Variants in ANKRD46 observed in about 807,000 individuals in gnomAD.
The protein encoded by ANKRD46 is ankyrin repeat domain 46, also known as ankyrin repeat domain-containing protein 46.
Under a neutral mutation model 19.8 loss-of-function variants are expected in ANKRD46, and 13 were observed. That is an observed-to-expected ratio of 0.66 (90% CI 0.43 to 1.04). The LOEUF is 1.04. Among genes scored for constraint, ANKRD46 ranks in the 50% least tolerant of loss-of-function variants. The pLI is 0.00. For synonymous variants in ANKRD46, 91 were observed against 106.9 expected, an observed-to-expected ratio of 0.85 and a Z score of 0.92; for missense variants, 185 against 274.8, an observed-to-expected ratio of 0.67 and a Z score of 2.31.
chr8:100,549,223 G>T (rs764246483), intron 1 of ANKRD46, among the ~76,000 whole-genome samples: 4 of 151,460 alleles, frequency 2.6e-5, no homozygotes, highest in Non-Finnish European at 4.4e-5. Flanking sequence ...TCCTGCCTTA[G>T]CCTCCCAAAG....
At position 100,544,229 on chromosome 8, in the gene ANKRD46, C is replaced by T. The variant is rs190306666; in HGVS notation, c.-130-10918G>A. Among the ~76,000 whole-genome samples, 1 of 152,326 alleles carries T rather than the reference C, an allele frequency of 6.6e-6. No individual in the cohort carries two copies. The highest frequency in any genetic ancestry group is 2.4e-5 in the African/African-American group (1 of 41,578). On this transcript the variant is annotated intron_variant, in intron 1 of 4. Coordinates refer to ENST00000335659, the MANE Select transcript of ANKRD46 (RefSeq NM_001270377.2). The surrounding 1 kb of genome is among the most constrained non-coding windows in gnomAD (Gnocchi z 4.4). ...CTCTTCAGTCAGCTTCTGGTTCCTT[C>T]TAAGGCTCAAAGCAGATCACTTCCA...
At chr8:100,542,554 T>C (rs1380856238) in intron 1 of ANKRD46, among the ~76,000 whole-genome samples, 2 of 152,108 alleles carry the variant, frequency 1.3e-5, no homozygotes, top group Non-Finnish European at 2.9e-5. Flanking sequence ...GGAGTGTCTG[T>C]GGCTTTAAAG....
Position 100,546,649 on chromosome 8 carries a change from G to A in ANKRD46, c.-131+13062C>T, listed in dbSNP as rs936376334. 5.3e-5 allele frequency among the ~76,000 whole-genome samples: 8 copies of A among 152,220 alleles called. No homozygotes were observed. Among genetic ancestry groups the A allele is most frequent in the Non-Finnish European group, 8.8e-5 (6 of 68,044 alleles). ...CCCCACACAGAGTCCCCACTGGAGT[G>A]CTGCCTAGTGGAGCTATGAGAAAAG... On this transcript the variant is annotated intron_variant, in intron 1 of 4. Transcript: ENST00000335659. This position sits in a 1 kb window ranked among gnomAD's most constrained non-coding sequence, Gnocchi z 4.0.
rs1253417278 is a variant in ANKRD46, at chr8:100,545,003, G to A, written c.-130-11692C>T. Among the ~76,000 whole-genome samples the A allele has an allele frequency of 6.6e-6, 1 of 152,100 alleles. No homozygotes were observed. The highest frequency in any genetic ancestry group is 2.4e-5 in the African/African-American group (1 of 41,422). ...ATCAACAGTCCCAAATGGATATTTTGCCATGGCCTTAATATCATATCTAAA... is the reference window on the plus strand; with the variant it reads ...ATCAACAGTCCCAAATGGATATTTTACCATGGCCTTAATATCATATCTAAA... On this transcript the variant is annotated intron_variant, in intron 1 of 4. Coordinates refer to ENST00000335659, the MANE Select transcript of ANKRD46 (RefSeq NM_001270377.2). This position sits in a 1 kb window ranked among gnomAD's most constrained non-coding sequence, Gnocchi z 4.7.
chr8:100,548,202 A>C (rs1470426762), intron 1 of ANKRD46, among the ~76,000 whole-genome samples: 1 of 152,168 alleles, frequency 6.6e-6, no homozygotes, highest in African/African-American at 2.4e-5. Context: ...TTAAAACAAC[A>C]GCCAAAATCC....
chr8:100,520,236 GT>G (rs1811698487), downstream of ANKRD46, among the ~76,000 whole-genome samples: 1 of 152,198 alleles, frequency 6.6e-6, no homozygotes, highest in South Asian at 2.1e-4. Flanking sequence ...AGGAAAAAAA[GT>G]AAGTATATAG....
rs1811748987 is a variant in ANKRD46, at chr8:100,522,618, G to C, written c.624C>G (p.Gly208=). ...GCACCCCACTCACATAATAAGCAAT[G>C]CCAAGAGACAGCAAAGCAATGACGA... ...LIFVIALLSL[G]IAYYVSGVLP... The change falls in exon 5 of 5, where the codon GGC becomes GGG. Residue 208 remains glycine, a synonymous_variant. Transcript: ENST00000335659. 6.2e-7 allele frequency: 1 copy of C among 1,613,836 alleles called. No homozygotes were observed. The highest frequency in any genetic ancestry group is 1.3e-5 in the African/African-American group (1 of 74,834).
In ANKRD46 at chr8:100,527,874, C is replaced by G. The variant is rs533562643; in HGVS notation, c.441G>C (p.Leu147=). The G allele has an allele frequency of 2.9e-5, 46 of 1,613,586 alleles. No homozygotes were observed. The South Asian group carries it at 4.9e-4, about 17-fold the overall frequency. The part of the protein sequence containing the change: ...KGFNRGTHSK[L]ETMQTAESES... ...CACTCTCAGCTGTTTGCATGGTCTC[C>G]AGTTTCGAGTGGGTTCCTCTGTTAA... is the stretch of plus-strand genomic sequence containing the variant. The change falls in exon 4 of 5, where the codon CTG becomes CTC. Residue 147 remains leucine (L), a synonymous_variant. Transcript: ENST00000335659. The surrounding 1 kb of genome is among the most constrained non-coding windows in gnomAD (Gnocchi z 4.0).
At position 100,522,791 on chromosome 8, in the gene ANKRD46, A is replaced by G. The variant is rs1563925506; in HGVS notation, c.471-20T>C. On this transcript the variant is annotated intron_variant, in intron 4 of 4. Transcript: ENST00000335659. ...ATGGCACTGTGGAAGAAGAAAGAGC[A>G]AAAAGGGCATTAAAAAAACACAGCA... The G allele has an allele frequency of 1.2e-6, 2 of 1,609,128 alleles. No individual in the cohort carries two copies. The highest frequency in any genetic ancestry group is 4.5e-5 in the East Asian group (2 of 44,788).
At position 100,522,789 on chromosome 8, in the gene ANKRD46, G is replaced by A. The variant is rs760295512; in HGVS notation, c.471-18C>T. 5 of 1,597,470 alleles carry A rather than the reference G, an allele frequency of 3.1e-6. No homozygotes were observed. In the Admixed American group the frequency reaches 6.9e-5, roughly 22 times the overall value. On this transcript the variant is annotated intron_variant, in intron 4 of 4. Coordinates refer to ENST00000335659, the MANE Select transcript of ANKRD46 (RefSeq NM_001270377.2). ...CCATGGCACTGTGGAAGAAGAAAGA[G>A]CAAAAAGGGCATTAAAAAAACACAG...
intron 1 of ANKRD46, among the ~76,000 whole-genome samples, chr8:100,558,705 G>A (rs1812552377): frequency 6.6e-6 from 1 of 152,122 alleles, no homozygotes; most frequent in African/African-American, 2.4e-5. Context: ...CTAGATAACA[G>A]ACGCAGGGAT....
intron 5 of ANKRD46, among the ~76,000 whole-genome samples, chr8:100,515,551 C>G (rs1811616086): frequency 6.6e-6 from 1 of 151,848 alleles, no homozygotes; most frequent in Admixed American, 6.6e-5. Context: ...CTGTATTTGG[C>G]CTAACTATGA....
Position 100,510,637 on chromosome 8 carries a change from T to C in ANKRD46, c.639A>G (p.Arg213=), listed in dbSNP as rs1159305228. The C allele has an allele frequency of 2.6e-6, 4 of 1,534,802 alleles. No individual in the cohort carries two copies. The highest frequency in any genetic ancestry group is 3.5e-6 in the Non-Finnish European group (4 of 1,146,274). ...CAAAGCTTCCAAGCCTCAGTGTCCT[T>C]CTCTGTAAATGTGGGGAAGACAGAT... Residue 213 remains arginine (R), a splice_region_variant and synonymous_variant, in exon 6 of 6, where the codon AGA becomes AGG. Transcript: ENST00000520552. This position sits in a 1 kb window ranked among gnomAD's most constrained non-coding sequence, Gnocchi z 4.9.
chr8:100,521,261 C>T lies in ANKRD46; in HGVS notation c.*1294G>A. 1 of 985,266 alleles carries T rather than the reference C, an allele frequency of 1.0e-6. No individual in the cohort carries two copies. Among genetic ancestry groups the T allele is most frequent in the South Asian group, 4.7e-5 (1 of 21,284 alleles). The allele number at this position is 985,266 out of a possible 1,614,324, so 61.0% of individuals were successfully genotyped here. ...AAAGCATAATTTCTAATTCTAGCAGCAATTCAATTAGCAATAGCTTAGGTG... is the reference window on the plus strand; with the variant it reads ...AAAGCATAATTTCTAATTCTAGCAGTAATTCAATTAGCAATAGCTTAGGTG... On this transcript the variant is annotated 3_prime_UTR_variant, in exon 5 of 5. Transcript: ENST00000335659.
chr8:100,511,005 A>G lies in ANKRD46; in HGVS notation c.637-366T>C, dbSNP rs894803969. Among the ~76,000 whole-genome samples, 4 of 152,222 alleles carry G rather than the reference A, an allele frequency of 2.6e-5. No homozygotes were observed. The highest frequency in any genetic ancestry group is 9.6e-5 in the African/African-American group (4 of 41,454). On this transcript the variant is annotated intron_variant, in intron 5 of 5. Coordinates refer to the ANKRD46 transcript ENST00000520552. This position sits in a 1 kb window ranked among gnomAD's most constrained non-coding sequence, Gnocchi z 4.1. The stretch of plus-strand genomic sequence containing the variant: ...AATAGAGGTTGACCTGTCTTTCAGC[A>G]AATAAATGCTTCCTAATGCAGCACA...
intron 5 of ANKRD46, among the ~76,000 whole-genome samples, chr8:100,513,200 G>A (rs1429938654): frequency 6.6e-6 from 1 of 152,162 alleles, no homozygotes; most frequent in African/African-American, 2.4e-5. Context: ...CAGAGCACCA[G>A]GTCCTTTCAG....
At chr8:100,513,443 G>A (rs1811580872) in intron 5 of ANKRD46, among the ~76,000 whole-genome samples, 2 of 152,148 alleles carry the variant, frequency 1.3e-5, no homozygotes, top group African/African-American at 2.4e-5. Context: ...TGTATTAATC[G>A]TGATAGGTCT....
rs1811739527 is a variant in ANKRD46, at chr8:100,522,293, T to G, written c.*262A>C. 3 of 1,265,582 alleles carry G rather than the reference T, an allele frequency of 2.4e-6. No individual in the cohort carries two copies. The African/African-American group carries it at 4.5e-5, about 19-fold the overall frequency. The allele number at this position is 1,265,582 out of a possible 1,614,324, so 78.4% of individuals were successfully genotyped here. Reference sequence around the variant, plus strand: ...TCCATTCTCTAGTCACTTCCGTGTTTTTATCAAACAAGGCTACGTGTAGGC... The same window carrying G: ...TCCATTCTCTAGTCACTTCCGTGTTGTTATCAAACAAGGCTACGTGTAGGC... On this transcript the variant is annotated 3_prime_UTR_variant, in exon 5 of 5. Coordinates refer to ENST00000335659, the MANE Select transcript of ANKRD46 (RefSeq NM_001270377.2).
Position 100,550,886 on chromosome 8 carries a change from G to A in ANKRD46, c.-131+8825C>T. The A allele has an allele frequency of 1.8e-6, 1 of 544,872 alleles. No individual in the cohort carries two copies. The highest frequency in any genetic ancestry group is 3.5e-6 in the Non-Finnish European group (1 of 287,654). The allele number at this position is 544,872 out of a possible 1,614,324, so 33.8% of individuals were successfully genotyped here. On this transcript the variant is annotated intron_variant, in intron 1 of 4. Transcript: ENST00000335659. This position sits in a 1 kb window ranked among gnomAD's most constrained non-coding sequence, Gnocchi z 4.4. The stretch of plus-strand genomic sequence containing the variant: ...TGTTAAAGTCAGAGGAAACAACCTG[G>A]TGTTCAGTGTAGCCCAAGATGCCCT...
Sources: allele counts gnomAD v4.1 joint callset (sites outside exome capture counted in the v4.1 genomes callset), GRCh38; gene constraint gnomAD v4.1.1; non-coding constraint Gnocchi (gnomAD v3.1); transcripts MANE v1.5; gene names NCBI Gene and HGNC (gene_info 2026-07-23, HGNC 2026-07-21).